The following GRIN2A variants were observed in gnomAD, a reference collection of about 807,000 sequenced individuals.
The protein encoded by GRIN2A is glutamate receptor ionotropic, NMDA 2A.
In GRIN2A, 22 loss-of-function variants were observed where a neutral mutation model predicts 113.4. The observed-to-expected ratio is 0.19, with a 90% CI of 0.14 to 0.28. The LOEUF is 0.28. Among genes scored for constraint, GRIN2A ranks in the 10% least tolerant of loss-of-function variants. The pLI is 1.00. For missense variants in GRIN2A, 1,502 were observed against 1,887.0 expected (o/e 0.80, Z 3.78); for synonymous variants, 827 against 738.4 (o/e 1.12, Z -1.94).
At chr16:9,814,016 G>C (rs1417444358) in intron 10 of GRIN2A, among the ~76,000 whole-genome samples, 1 of 152,158 alleles carries the variant, frequency 6.6e-6, no homozygotes, top group African/African-American at 2.4e-5. Context: ...TTGCTCTGCA[G>C]AGCAACTGAA....
intron 2 of GRIN2A, among the ~76,000 whole-genome samples, chr16:9,973,994 A>C (rs1314713266): frequency 6.6e-6 from 1 of 152,246 alleles, no homozygotes; most frequent in Non-Finnish European, 1.5e-5. Flanking sequence ...GAAGAGCATT[A>C]GAAGCATAAA....
intron 2 of GRIN2A, among the ~76,000 whole-genome samples, chr16:10,051,811 C>T (rs1166843808): frequency 6.6e-6 from 1 of 152,222 alleles, no homozygotes; most frequent in Admixed American, 6.5e-5. Flanking sequence ...CCTGCCTTCT[C>T]TGCCAGGCTG....
At position 9,763,618 on chromosome 16, in the gene GRIN2A, C is replaced by T. The variant is rs1900699130; in HGVS notation, c.3926G>A (p.Arg1309Gln). ...PRELDLSRPS[R>Q]SISLKDRERL... ...TTCCCTGTCCTTGAGGCTTATGCTC[C>T]GGGAGGGCCTGCTAAGGTCTAGCTC... The change falls in exon 13 of 13, where the codon CGG becomes CAG. Residue 1309 changes from arginine to glutamine, a missense_variant. By Grantham distance (43) the Arg-to-Gln change is conservative (BLOSUM62 1). Around this residue, in one of 7 missense-constraint regions of GRIN2A, gnomAD observed 832 missense variants for 789.7 expected, o/e 1.05. Coordinates refer to ENST00000330684, the MANE Select transcript of GRIN2A (RefSeq NM_001134407.3). 4 of 1,613,318 alleles carry T rather than the reference C, an allele frequency of 2.5e-6. No individual in the cohort carries two copies. The highest frequency in any genetic ancestry group is 1.7e-5 in the Admixed American group (1 of 60,008).
intron 10 of GRIN2A, among the ~76,000 whole-genome samples, chr16:9,800,992 A>G (rs2141239272): frequency 6.6e-6 from 1 of 152,342 alleles, no homozygotes; most frequent in Admixed American, 6.5e-5. Flanking sequence ...GTTCTAGTCT[A>G]GGCTAGGATG....
intron 2 of GRIN2A, among the ~76,000 whole-genome samples, chr16:10,163,339 T>G (rs1455611258): frequency 6.6e-6 from 1 of 152,154 alleles, no homozygotes; most frequent in Non-Finnish European, 1.5e-5. Flanking sequence ...GTTTTCATAT[T>G]TTAGGAAAGA....
chr16:10,088,087 G>C (rs1049179706), intron 2 of GRIN2A, among the ~76,000 whole-genome samples: 6 of 152,042 alleles, frequency 3.9e-5, no homozygotes, highest in African/African-American at 1.4e-4. Context: ...CCCATACCTT[G>C]TTGAAAGCTT....
At chr16:10,112,113 TGCA>T (rs2047039647) in intron 2 of GRIN2A, 6 of 600,012 alleles carry the variant, frequency 1.0e-5, no homozygotes, top group Non-Finnish European at 1.5e-5. Flanking sequence ...GCAGCTGCTG[TGCA>T]GGGCAGCTGT....
intron 11 of GRIN2A, among the ~76,000 whole-genome samples, chr16:9,790,845 G>T (rs1902563553): frequency 6.6e-6 from 1 of 152,088 alleles, no homozygotes; most frequent in Non-Finnish European, 1.5e-5. Context: ...AACAAATTTT[G>T]TTTATGCCAA....
intron 2 of GRIN2A, among the ~76,000 whole-genome samples, chr16:10,142,859 T>C (rs1373506128): frequency 1.3e-5 from 2 of 152,168 alleles, no homozygotes; most frequent in African/African-American, 4.8e-5. Context: ...CTTTTCCAAT[T>C]AGGTATTTAA....
intron 3 of GRIN2A, among the ~76,000 whole-genome samples, chr16:9,919,465 G>A (rs756427568): frequency 6.6e-6 from 1 of 152,130 alleles, no homozygotes; most frequent in Non-Finnish European, 1.5e-5. Context: ...AGATGCATGG[G>A]ATTATTCTGA....
At chr16:9,949,480 T>G (rs2045115707) in intron 2 of GRIN2A, among the ~76,000 whole-genome samples, 1 of 145,626 alleles carries the variant, frequency 6.9e-6, no homozygotes, top group Admixed American at 6.8e-5. Context: ...GACAGATGAG[T>G]GGATAGATGG....
At chr16:10,120,691 G>C (rs1389609821) in intron 2 of GRIN2A, among the ~76,000 whole-genome samples, 1 of 152,184 alleles carries the variant, frequency 6.6e-6, no homozygotes, top group African/African-American at 2.4e-5. Flanking sequence ...CTCTCTGGAA[G>C]ACACCTGCAA....
At chr16:10,178,621 G>T (rs1371098512) in intron 2 of GRIN2A, among the ~76,000 whole-genome samples, 1 of 152,202 alleles carries the variant, frequency 6.6e-6, no homozygotes, top group East Asian at 1.9e-4. Flanking sequence ...CAGGAATTCT[G>T]CTAGCCTGCA....
intron 2 of GRIN2A, among the ~76,000 whole-genome samples, chr16:10,109,132 T>G (rs903982518): frequency 2.0e-5 from 3 of 151,332 alleles, no homozygotes; most frequent in Non-Finnish European, 4.4e-5. Context: ...ATTAAAAGGA[T>G]TAAAAAACCC....
chr16:10,148,233 A>G (rs2049486429), intron 2 of GRIN2A, among the ~76,000 whole-genome samples: 1 of 152,172 alleles, frequency 6.6e-6, no homozygotes. Context: ...TCATTGATGC[A>G]TTATCTAGAG....
chr16:9,769,834 A>C (rs1380070386), intron 11 of GRIN2A, among the ~76,000 whole-genome samples: 1 of 152,190 alleles, frequency 6.6e-6, no homozygotes, highest in Non-Finnish European at 1.5e-5. Flanking sequence ...ATCCTCAAAT[A>C]TGTGTGTTTC....
intron 2 of GRIN2A, among the ~76,000 whole-genome samples, chr16:10,000,914 C>T (rs996522996): frequency 1.3e-5 from 2 of 152,170 alleles, no homozygotes; most frequent in Non-Finnish European, 2.9e-5. Context: ...GAACTCTAGA[C>T]TCCTCCTGGG....
At position 9,841,085 on chromosome 16, in the gene GRIN2A, T is replaced by A. The variant is rs2042669462; in HGVS notation, c.1348A>T (p.Met450Leu). 6.2e-7 allele frequency: 1 copy of A among 1,613,334 alleles called. No homozygotes were observed. Among genetic ancestry groups the A allele is most frequent in the Non-Finnish European group, 8.5e-7 (1 of 1,179,502 alleles). Residue 450 changes from methionine to leucine, a missense_variant, in exon 6 of 13, where the codon ATG (methionine) becomes TTG (leucine). Transcript: ENST00000330684. ...CCCTTGCAGCATTTCTTCACATTCA[T>A]CCCCTCATTGGTTGAATTGCTGTAA... ...VKINNSTNEG[M>L]NVKKCCKGFC...
intron 2 of GRIN2A, among the ~76,000 whole-genome samples, chr16:10,083,502 G>A: frequency 6.6e-6 from 1 of 152,174 alleles, no homozygotes; most frequent in Admixed American, 6.5e-5. Context: ...CTAAATCACT[G>A]AGTAAGGCCT....
Sources: allele counts gnomAD v4.1 joint callset (sites outside exome capture counted in the v4.1 genomes callset), GRCh38; gene constraint gnomAD v4.1.1; regional missense constraint gnomAD v4.1.1; transcripts MANE v1.5; gene names NCBI Gene and HGNC (gene_info 2026-07-23, HGNC 2026-07-21).